MYT1L: variants seen among roughly 807,000 people sequenced by gnomAD.
MYT1L encodes myelin transcription factor 1 like, also known as myelin transcription factor 1-like protein.
A neutral mutation model predicts 126.7 loss-of-function variants in MYT1L; 12 were observed. That is an observed-to-expected ratio of 0.09 (90% CI 0.06 to 0.15). The LOEUF (loss-of-function observed/expected upper bound fraction) is 0.15, where lower values mean the gene tolerates loss of function less well. MYT1L is among the 10% of genes least tolerant of loss of function. The pLI is 1.00. For missense variants in MYT1L, 979 were observed against 1,585.2 expected (o/e 0.62, Z 6.49); for synonymous variants, 541 against 604.2 (o/e 0.90, Z 1.53).
At chr2:1,808,692 G>C (rs1251924795) in intron 22 of MYT1L, among the ~76,000 whole-genome samples, 1 of 152,140 alleles carries the variant, frequency 6.6e-6, no homozygotes, top group Admixed American at 6.5e-5. Context: ...CAGGGGAGGG[G>C]GTGCCATCCT....
At chr2:2,328,821 T>A (rs1488811096) in intron 1 of MYT1L, among the ~76,000 whole-genome samples, 3 of 152,054 alleles carry the variant, frequency 2.0e-5, no homozygotes, top group African/African-American at 7.2e-5. Flanking sequence ...GGAAATAGAG[T>A]AAAATATGTG....
chr2:1,802,734 G>A (rs376563763), intron 22 of MYT1L, among the ~76,000 whole-genome samples: 8 of 152,206 alleles, frequency 5.3e-5, no homozygotes, highest in African/African-American at 1.7e-4. Flanking sequence ...CACTGCCAAC[G>A]CCAAAGAGAA....
At chr2:2,236,493 C>G (rs1336344322) in intron 2 of MYT1L, among the ~76,000 whole-genome samples, 1 of 148,138 alleles carries the variant, frequency 6.8e-6, no homozygotes, top group Non-Finnish European at 1.5e-5. Context: ...CCAGCACATC[C>G]GAACCCAACC....
At chr2:2,017,074 C>G (rs2064491484) in intron 4 of MYT1L, among the ~76,000 whole-genome samples, 1 of 152,192 alleles carries the variant, frequency 6.6e-6, no homozygotes, top group South Asian at 2.1e-4. Context: ...CAGGCTGGGT[C>G]TCCTGGGGCT....
chr2:2,292,066 G>T (rs1459227209), intron 1 of MYT1L, among the ~76,000 whole-genome samples: 2 of 152,218 alleles, frequency 1.3e-5, no homozygotes, highest in Non-Finnish European at 2.9e-5. Context: ...AGCTGCGTGG[G>T]CTCTGCTTCC....
At chr2:2,068,606 C>T (rs1183419644) in intron 3 of MYT1L, among the ~76,000 whole-genome samples, 1 of 152,002 alleles carries the variant, frequency 6.6e-6, no homozygotes, top group Non-Finnish European at 1.5e-5. Flanking sequence ...AAACAATTCA[C>T]CTTAAGGAAA....
In MYT1L at chr2:2,234,682, A is replaced by C. The variant is rs2094241268; in HGVS notation, c.-421+49722T>G. On this transcript the variant is annotated intron_variant, in intron 2 of 24. Coordinates refer to ENST00000647738, the MANE Select transcript of MYT1L (RefSeq NM_001303052.2). The stretch of plus-strand genomic sequence containing the variant: ...GCAATCTTTAAGAGGCAGTGCATTA[A>C]AAGGGTTATAGAATATCCTGACTTG... Among the ~76,000 whole-genome samples the C allele has an allele frequency of 3.3e-5, 5 of 152,324 alleles. No individual in the cohort carries two copies. The South Asian group carries it at 1.0e-3, about 32-fold the overall frequency.
chr2:1,850,244 CTTCCTTCCCT>C (rs1328900853), intron 19 of MYT1L, among the ~76,000 whole-genome samples: 4 of 80,828 alleles, frequency 4.9e-5, no homozygotes, highest in African/African-American at 2.2e-4. Context: ...TCCTTCCTTC[CTTCCTTCCCT>C]GTCTTTTCTC....
chr2:2,289,368 G>T (rs927505012), intron 1 of MYT1L, among the ~76,000 whole-genome samples: 2 of 152,220 alleles, frequency 1.3e-5, no homozygotes, highest in Admixed American at 1.3e-4. Flanking sequence ...TAGTATAGTG[G>T]TTCATACTCT....
At chr2:1,939,358 C>A (rs2149241512) in intron 9 of MYT1L, among the ~76,000 whole-genome samples, 1 of 152,268 alleles carries the variant, frequency 6.6e-6, no homozygotes, top group East Asian at 1.9e-4. Context: ...GGGATGCTGA[C>A]CCAGAACTCC....
chr2:2,275,789 A>T (rs2095348262), intron 2 of MYT1L, among the ~76,000 whole-genome samples: 1 of 152,148 alleles, frequency 6.6e-6, no homozygotes, highest in Non-Finnish European at 1.5e-5. Context: ...TCCCAGCCTC[A>T]TGTCAGCCCA....
intron 1 of MYT1L, chr2:2,326,723 A>T (rs996063976): frequency 5.9e-5 from 9 of 152,336 alleles, no homozygotes; most frequent in African/African-American, 1.9e-4. Context: ...CTAGTTTTAT[A>T]ACACCTGGCT....
At chr2:2,218,873 G>A (rs1479053829) in intron 2 of MYT1L, among the ~76,000 whole-genome samples, 2 of 152,258 alleles carry the variant, frequency 1.3e-5, no homozygotes, top group South Asian at 4.1e-4. Context: ...CTGGGCATGT[G>A]GGATGGGTTC....
chr2:2,220,635 G>A (rs1007510153), intron 2 of MYT1L, among the ~76,000 whole-genome samples: 2 of 152,152 alleles, frequency 1.3e-5, no homozygotes, highest in Non-Finnish European at 2.9e-5. Flanking sequence ...CCCCACAAAG[G>A]ACACCTTTGC....
chr2:2,090,924 G>A (rs1407721589), intron 3 of MYT1L, among the ~76,000 whole-genome samples: 1 of 152,216 alleles, frequency 6.6e-6, no homozygotes, highest in East Asian at 1.9e-4. Flanking sequence ...GATTGATCAT[G>A]AGATTGCAGC....
At chr2:1,942,532 T>C (rs1006733630) in intron 9 of MYT1L, among the ~76,000 whole-genome samples, 1 of 152,232 alleles carries the variant, frequency 6.6e-6, no homozygotes, top group Non-Finnish European at 1.5e-5. Context: ...TGCTGGTTGA[T>C]GTACCAGTCA....
intron 3 of MYT1L, among the ~76,000 whole-genome samples, chr2:2,120,970 C>T (rs1387174090): frequency 6.6e-6 from 1 of 152,106 alleles, no homozygotes; most frequent in Non-Finnish European, 1.5e-5. Context: ...GTTAGACCCA[C>T]GGCCACCAGG....
intron 1 of MYT1L, among the ~76,000 whole-genome samples, chr2:2,284,909 C>T (rs1411071124): frequency 6.6e-6 from 1 of 152,024 alleles, no homozygotes; most frequent in African/African-American, 2.4e-5. Flanking sequence ...TCATCATGTG[C>T]TATGTTGGCC....
chr2:2,190,306 A>T (rs980575358), intron 2 of MYT1L, among the ~76,000 whole-genome samples: 3 of 151,984 alleles, frequency 2.0e-5, no homozygotes, highest in Admixed American at 1.3e-4. Flanking sequence ...AAAATACAGA[A>T]ATTAGCCAGG....
Sources: gnomAD v4.1 joint callset for allele counts (sites outside exome capture counted in the v4.1 genomes callset) on GRCh38, gnomAD v4.1.1 for gene constraint, MANE v1.5 for transcripts, NCBI Gene and HGNC (gene_info 2026-07-23, HGNC 2026-07-21) for gene names.